SFXN1: variants seen among roughly 807,000 people sequenced by gnomAD.
The protein encoded by SFXN1 is sideroflexin 1.
Under a neutral mutation model 39.5 loss-of-function variants are expected in SFXN1, and 32 were observed. That is an observed-to-expected ratio of 0.81 (90% CI 0.61 to 1.09). The LOEUF is 1.09. Ranked by LOEUF, SFXN1 falls within the 50% of genes least tolerant of loss-of-function variation. SFXN1 has a pLI of 0.00. For missense variants in SFXN1, 402 were observed against 407.1 expected (o/e 0.99, Z 0.11); for synonymous variants, 136 against 146.5 (o/e 0.93, Z 0.52).
At chr5:175,499,207 A>G (rs989385756) in intron 2 of SFXN1, among the ~76,000 whole-genome samples, 2 of 151,924 alleles carry the variant, frequency 1.3e-5, no homozygotes, top group African/African-American at 4.8e-5. Context: ...GTGAGCCGAG[A>G]TGGCACCACT....
intron 1 of SFXN1, among the ~76,000 whole-genome samples, chr5:175,491,073 G>A (rs1759635946): frequency 6.6e-6 from 1 of 152,032 alleles, no homozygotes; most frequent in South Asian, 2.1e-4. Flanking sequence ...ACAATACAGG[G>A]CAGTTCTAAA....
chr5:175,510,337 T>G (rs778108654), intron 4 of SFXN1, 130 bp downstream of exon 4: 3 of 698,396 alleles, frequency 4.3e-6, no homozygotes, highest in Non-Finnish European at 7.0e-6. Context: ...TGTAGCATCC[T>G]TTTTTGTAGC....
chr5:175,502,361 C>T (rs1480348410), intron 2 of SFXN1, among the ~76,000 whole-genome samples: 3 of 152,134 alleles, frequency 2.0e-5, no homozygotes, highest in African/African-American at 7.2e-5. Flanking sequence ...AATTTTGTTT[C>T]AGAGCCAGAC....
intron 2 of SFXN1, among the ~76,000 whole-genome samples, chr5:175,506,629 G>A (rs1321391170): frequency 6.6e-6 from 1 of 152,108 alleles, no homozygotes; most frequent in Non-Finnish European, 1.5e-5. Context: ...TTATAATCAT[G>A]TAGGAGAATA....
chr5:175,514,434 G>A (rs1760647800), intron 7 of SFXN1, among the ~76,000 whole-genome samples: 1 of 152,120 alleles, frequency 6.6e-6, no homozygotes, highest in Non-Finnish European at 1.5e-5. Context: ...TCAGACCAGG[G>A]GCCTAAAGAA....
intron 8 of SFXN1, among the ~76,000 whole-genome samples, chr5:175,518,559 A>G (rs1760784601): frequency 6.6e-6 from 1 of 152,142 alleles, no homozygotes. Context: ...GCACAGAGGG[A>G]GCGCATAGGA....
chr5:175,495,480 G>C (rs906344222), intron 2 of SFXN1, among the ~76,000 whole-genome samples: 1 of 152,182 alleles, frequency 6.6e-6, no homozygotes, highest in Admixed American at 6.5e-5. Context: ...TGTAATCCCA[G>C]CACTTTGGGA....
At chr5:175,507,968 G>A (rs1257978904) in intron 2 of SFXN1, among the ~76,000 whole-genome samples, 2 of 72,270 alleles carry the variant, frequency 2.8e-5, no homozygotes, top group African/African-American at 1.6e-4. Context: ...GTGAGACCCT[G>A]TCTTTAAAAA....
At chr5:175,496,264 C>T (rs1347567681) in intron 2 of SFXN1, among the ~76,000 whole-genome samples, 1 of 151,626 alleles carries the variant, frequency 6.6e-6, no homozygotes, top group Non-Finnish European at 1.5e-5. Flanking sequence ...ATAATCCCAG[C>T]TCGGGAGGCT....
At chr5:175,515,421 A>G (rs1207812364) in intron 7 of SFXN1, among the ~76,000 whole-genome samples, 1 of 152,212 alleles carries the variant, frequency 6.6e-6, no homozygotes, top group Non-Finnish European at 1.5e-5. Context: ...TTTAAACACT[A>G]TTTAGTCCCC....
At chr5:175,496,868 T>C (rs1554100417) in intron 2 of SFXN1, among the ~76,000 whole-genome samples, 2 of 151,890 alleles carry the variant, frequency 1.3e-5, no homozygotes, top group Non-Finnish European at 2.9e-5. Flanking sequence ...TTGGGGTATT[T>C]GTTAGGTTCT....
intron 6 of SFXN1, among the ~76,000 whole-genome samples, chr5:175,513,177 G>A (rs115315870): frequency 0.072 from 10,968 of 151,720 alleles, 483 homozygotes; most frequent in Admixed American, 0.11. Flanking sequence ...TCACATGCCT[G>A]TAATTCTAGC....
At chr5:175,525,485 A>G (rs1761029001) in intron 10 of SFXN1, among the ~76,000 whole-genome samples, 1 of 152,018 alleles carries the variant, frequency 6.6e-6, no homozygotes, top group Admixed American at 6.6e-5. Flanking sequence ...CCATCATGGG[A>G]TTTTTTTTCC....
At chr5:175,512,323 G>T in intron 6 of SFXN1, 127 bp downstream of exon 6, 11 of 824,492 alleles carry the variant, frequency 1.3e-5, no homozygotes, top group Non-Finnish European at 2.1e-5. Flanking sequence ...TGAGATCTTG[G>T]ATTTCTTTTG....
intron 10 of SFXN1, 87 bp downstream of exon 10, chr5:175,522,509 G>A: frequency 7.3e-7 from 1 of 1,375,992 alleles, no homozygotes. Flanking sequence ...CCATTTCATT[G>A]GCAGGGAAGT....
At chr5:175,509,286 A>G (rs546334500) in intron 3 of SFXN1, 84 bp downstream of exon 3, 2 of 1,371,128 alleles carry the variant, frequency 1.5e-6, no homozygotes, top group East Asian at 4.8e-5. Flanking sequence ...TTTTGTTGAA[A>G]TAAGTATTAT....
Position 175,492,087 on chromosome 5 carries a change from C to T in SFXN1, c.-9-8C>T. The stretch of plus-strand genomic sequence containing the variant: ...CTTACACGAACTTGCCTTTTTGACT[C>T]TTTGCAGTCCGGGACCATGTCTGGA... On this transcript the variant is annotated splice_region_variant and splice_polypyrimidine_tract_variant and intron_variant, in intron 1 of 10. Coordinates refer to ENST00000321442, the MANE Select transcript of SFXN1 (RefSeq NM_022754.7). The T allele has an allele frequency of 1.3e-6, 2 of 1,594,924 alleles. No homozygotes were observed. Among genetic ancestry groups the T allele is most frequent in the Non-Finnish European group, 1.7e-6 (2 of 1,172,812 alleles).
At chr5:175,504,683 G>A (rs1760220126) in intron 2 of SFXN1, among the ~76,000 whole-genome samples, 2 of 151,952 alleles carry the variant, frequency 1.3e-5, no homozygotes, top group African/African-American at 4.8e-5. Flanking sequence ...CTGTATAAAA[G>A]CAACAAGCAA....
chr5:175,494,224 A>G (rs1013584239), intron 2 of SFXN1, among the ~76,000 whole-genome samples: 9 of 152,154 alleles, frequency 5.9e-5, no homozygotes, highest in Admixed American at 5.9e-4. Context: ...ACACATGGCA[A>G]TTTTTTTCCT....
Sources: gnomAD v4.1 joint callset for allele counts (sites outside exome capture counted in the v4.1 genomes callset) on GRCh38, gnomAD v4.1.1 for gene constraint, MANE v1.5 for transcripts, NCBI Gene and HGNC (gene_info 2026-07-23, HGNC 2026-07-21) for gene names.